PSENEN: variants seen among roughly 807,000 people sequenced by gnomAD.
PSENEN encodes gamma-secretase subunit PEN-2.
Under a neutral mutation model 15.4 loss-of-function variants are expected in PSENEN, and 4 were observed. The ratio of observed to expected loss-of-function variants is 0.26; its 90% CI spans 0.13 to 0.59. The LOEUF is 0.59. Among genes scored for constraint, PSENEN ranks in the 20% least tolerant of loss-of-function variants. PSENEN has a pLI of 0.89. For missense variants in PSENEN, 112 were observed against 120.3 expected (o/e 0.93, Z 0.32); for synonymous variants, 42 against 46.5 (o/e 0.90, Z 0.39).
In PSENEN at chr19:35,745,936, C is replaced by T. The variant is rs775370669; in HGVS notation, c.6C>T (p.Asn2=). 4.3e-6 allele frequency: 7 copies of T among 1,614,138 alleles called. No individual in the cohort carries two copies. In the East Asian group the frequency reaches 1.3e-4, roughly 31 times the overall value. M[N]LERVSNEEKL... is the part of the protein sequence containing the mutation. The stretch of plus-strand genomic sequence containing the variant: ...GACCCGGCCCCAGCGCAGCTATGAA[C>T]CTGGAGCGAGTGTCCAATGAGGAGA... Residue 2 remains asparagine (N), a synonymous_variant, in exon 2 of 4, where the codon AAC becomes AAT. Transcript: ENST00000587708.
intron 2 of PSENEN, 96 bp downstream of exon 2, chr19:35,746,087 A>T (rs1299911282): frequency 7.6e-7 from 1 of 1,315,122 alleles, no homozygotes; most frequent in African/African-American, 1.5e-5. Context: ...TAAGTCTAAG[A>T]GATGAAGGAC....
intron 1 of PSENEN, 37 bp from the exon 2 acceptor site, chr19:35,745,798 A>C (rs1970549402): frequency 2.1e-6 from 2 of 952,746 alleles, no homozygotes; most frequent in Non-Finnish European, 1.7e-6. Flanking sequence ...CTTTCAGCAA[A>C]CCGACCTTTA....
In PSENEN at chr19:35,746,535, G is replaced by T; in HGVS notation, c.166+12G>T. ...CCAAATCAAAGGCTGTGAGTCTAGA[G>T]CACAGAGGAGGGAGGCCAGTGGCAG... is the stretch of plus-strand genomic sequence containing the variant. On this transcript the variant is annotated intron_variant, in intron 3 of 3. Coordinates refer to ENST00000587708, the MANE Select transcript of PSENEN (RefSeq NM_172341.4). The T allele has an allele frequency of 6.2e-7, 1 of 1,610,324 alleles. No individual in the cohort carries two copies.
chr19:35,746,625 CT>C (rs1395073282), intron 3 of PSENEN, 82 bp from the exon 4 acceptor site: 2 of 1,611,442 alleles, frequency 1.2e-6, no homozygotes, highest in Admixed American at 3.3e-5. Flanking sequence ...TGTTGGGGCT[CT>C]GGGTGAGAAG....
At position 35,745,665 on chromosome 19, in the gene PSENEN, C is replaced by G. The variant is rs917590776; in HGVS notation, c.-132C>G. On this transcript the variant is annotated 5_prime_UTR_variant, in exon 1 of 4. Transcript: ENST00000587708. ...CGCAAACGTCCATAACTGAAAGTAG[C>G]TAAGGCACCCCAGCCGGAGGAAGTG... is the stretch of plus-strand genomic sequence containing the variant. 3.2e-6 allele frequency: 2 copies of G among 616,802 alleles called. No homozygotes were observed. Among genetic ancestry groups the G allele is most frequent in the Admixed American group, 2.9e-5 (1 of 34,484 alleles). The allele number at this position is 616,802 out of a possible 1,614,324, so 38.2% of individuals were successfully genotyped here.
At position 35,746,838 on chromosome 19, in the gene PSENEN, C is replaced by T. The variant is rs148274462; in HGVS notation, c.297C>T (p.Gly99=). 1 of 1,613,704 alleles carries T rather than the reference C, an allele frequency of 6.2e-7. No homozygotes were observed. Among genetic ancestry groups the T allele is most frequent in the African/African-American group, 1.3e-5 (1 of 74,840 alleles). The change falls in exon 4 of 4, where the codon GGC becomes GGT. Residue 99 remains glycine, a synonymous_variant. Coordinates refer to ENST00000587708, the MANE Select transcript of PSENEN (RefSeq NM_172341.4). The part of the protein sequence containing the change: ...GDYLSFTIPL[G]TP ...ACCTCTCCTTCACCATACCCCTGGG[C>T]ACCCCCTGACAACTTCTGCACATAC...
Position 35,747,224 on chromosome 19 carries a change from T to TC in PSENEN, c.*377_*378insC. ...TAGTGCTTCCATTTCTTTTTCTTTT[T>TC]TCTTTTTTTTTTTTTTTTTTGAGAC... On this transcript the variant is annotated 3_prime_UTR_variant, in exon 4 of 4. Coordinates refer to ENST00000587708, the MANE Select transcript of PSENEN (RefSeq NM_172341.4). 6.6e-6 allele frequency: 1 copy of TC among 151,394 alleles called. No individual in the cohort carries two copies. The highest frequency in any genetic ancestry group is 1.4e-5 in the Non-Finnish European group (1 of 72,918). The allele number at this position is 151,394 out of a possible 1,614,324, so 9.4% of individuals were successfully genotyped here.
Position 35,747,507 on chromosome 19 carries a change from CT to C in PSENEN, c.*663del, listed in dbSNP as rs1970615578. On this transcript the variant is annotated 3_prime_UTR_variant, in exon 4 of 4. Transcript: ENST00000587708. ...CTGCAAAAATAAAAATAGTCAAGAG[CT>C]TTCTCAGAGAATCCTTCCTTGACCA... 1 of 152,018 alleles carries C rather than the reference CT, an allele frequency of 6.6e-6. No individual in the cohort carries two copies. The highest frequency in any genetic ancestry group is 1.5e-5 in the Non-Finnish European group (1 of 68,022). 9.4% of individuals were successfully genotyped at this position (152,018 alleles called of 1,614,324 possible).
rs1970611659 is a variant in PSENEN at position 35,747,385 on chromosome 19, T to A, written c.*538T>A. ...TTTCCTACTGTGGGCTGCAGTATTC[T>A]CATCAGAAGTGTAGATCACGATGCT... is the stretch of plus-strand genomic sequence containing the variant. On this transcript the variant is annotated 3_prime_UTR_variant, in exon 4 of 4. Coordinates refer to ENST00000587708, the MANE Select transcript of PSENEN (RefSeq NM_172341.4). 1 of 152,244 alleles carries A rather than the reference T, an allele frequency of 6.6e-6. No homozygotes were observed. Among genetic ancestry groups the A allele is most frequent in the South Asian group, 2.0e-4 (1 of 4,900 alleles). 9.4% of individuals were successfully genotyped at this position (152,244 alleles called of 1,614,324 possible).
rs761745853 is a variant in PSENEN, at chr19:35,746,725, G to A, written c.184G>A (p.Val62Met). ...QIKGYVWRSA[V>M]GFLFWVIVLT... ...CATGACAGATGTCTGGCGCTCAGCT[G>A]TGGGCTTCCTCTTCTGGGTGATAGT... Residue 62 changes from valine to methionine, a missense_variant, in exon 4 of 4, where the codon GTG (valine) becomes ATG (methionine). Physicochemically the swap from Val to Met is conservative, Grantham distance 21 (BLOSUM62 1). Coordinates refer to ENST00000587708, the MANE Select transcript of PSENEN (RefSeq NM_172341.4). 3 of 1,614,172 alleles carry A rather than the reference G, an allele frequency of 1.9e-6. No individual in the cohort carries two copies. The highest frequency in any genetic ancestry group is 1.1e-5 in the South Asian group (1 of 91,074).
intron 2 of PSENEN, 124 bp downstream of exon 2, chr19:35,746,115 T>A: frequency 1.0e-6 from 1 of 985,454 alleles, no homozygotes; most frequent in Non-Finnish European, 1.6e-6. Context: ...CGCCGACTCC[T>A]GGATTTGAGT....
chr19:35,746,462 C>T lies in PSENEN; in HGVS notation c.105C>T (p.Phe35=). 4 of 1,614,010 alleles carry T rather than the reference C, an allele frequency of 2.5e-6. No homozygotes were observed. Among genetic ancestry groups the T allele is most frequent in the Non-Finnish European group, 3.4e-6 (4 of 1,180,026 alleles). The change falls in exon 3 of 4, where the codon TTC becomes TTT. Residue 35 remains phenylalanine, a synonymous_variant. Transcript: ENST00000587708. ...CTTTTCTCTGGTTGGTCAACATCTTCTGGTTCTTCCGAGAGGCCTTCCTTG... is the reference window on the plus strand; with the variant it reads ...CTTTTCTCTGGTTGGTCAACATCTTTTGGTTCTTCCGAGAGGCCTTCCTTG... ...FLPFLWLVNI[F]WFFREAFLVP...
rs202029153 is a variant in PSENEN, at chr19:35,747,003, G to A, written c.*156G>A. ...CCCCCAATAAAGGACCCTAACTTTC[G>A]ATACTGACTTCCTGGGATCTTTTAG... On this transcript the variant is annotated 3_prime_UTR_variant, in exon 4 of 4. Transcript: ENST00000587708. The A allele has an allele frequency of 1.3e-5, 9 of 677,282 alleles. No individual in the cohort carries two copies. Among genetic ancestry groups the A allele is most frequent in the Admixed American group, 3.3e-5 (1 of 30,390 alleles). 42.0% of individuals were successfully genotyped at this position (677,282 alleles called of 1,614,324 possible). A position where few individuals can be genotyped will look rare whatever the true frequency, so the allele number is the denominator to read the frequency against.
Position 35,746,863 on chromosome 19 carries a change from C to G in PSENEN, c.*16C>G. On this transcript the variant is annotated 3_prime_UTR_variant, in exon 4 of 4. Transcript: ENST00000587708. The stretch of plus-strand genomic sequence containing the variant: ...CACCCCCTGACAACTTCTGCACATA[C>G]TGGGGCCCTGCTTATTCTCCCAGGA... 1 of 1,613,378 alleles carries G rather than the reference C, an allele frequency of 6.2e-7. No homozygotes were observed. Among genetic ancestry groups the G allele is most frequent in the Non-Finnish European group, 8.5e-7 (1 of 1,179,716 alleles).
chr19:35,746,000 G>A lies in PSENEN; in HGVS notation c.61+9G>A. On this transcript the variant is annotated intron_variant, in intron 2 of 3. Transcript: ENST00000587708. ...CCGGAAGTACTACCTGGGTAAGGCA[G>A]ATCGCTAGGGTCCCAGGAGAAGAGA... 1 of 1,613,936 alleles carries A rather than the reference G, an allele frequency of 6.2e-7. No individual in the cohort carries two copies. The highest frequency in any genetic ancestry group is 8.5e-7 in the Non-Finnish European group (1 of 1,179,882).
Position 35,745,710 on chromosome 19 carries a change from G to A in PSENEN, c.-97+10G>A, listed in dbSNP as rs1970547597. The A allele has an allele frequency of 1.6e-6, 1 of 636,620 alleles. No homozygotes were observed. Among genetic ancestry groups the A allele is most frequent in the African/African-American group, 1.8e-5 (1 of 55,012 alleles). 39.4% of individuals were successfully genotyped at this position (636,620 alleles called of 1,614,324 possible). A position where few individuals can be genotyped will look rare whatever the true frequency, so the allele number is the denominator to read the frequency against. ...GAAGTGAGCTCTCCTGGTGAGTTGG[G>A]GGTCGTTTCGCCCACCCTAGTAAAT... On this transcript the variant is annotated intron_variant, in intron 1 of 3. Transcript: ENST00000587708.
Position 35,745,854 on chromosome 19 carries a change from C to T in PSENEN, c.-77C>T. 1 of 1,411,428 alleles carries T rather than the reference C, an allele frequency of 7.1e-7. No individual in the cohort carries two copies. The highest frequency in any genetic ancestry group is 1.0e-6 in the Non-Finnish European group (1 of 996,044). The allele number at this position is 1,411,428 out of a possible 1,614,324, so 87.4% of individuals were successfully genotyped here. A position where few individuals can be genotyped will look rare whatever the true frequency, so the allele number is the denominator to read the frequency against. On this transcript the variant is annotated 5_prime_UTR_variant, in exon 2 of 4. Coordinates refer to ENST00000587708, the MANE Select transcript of PSENEN (RefSeq NM_172341.4). ...TAATAGGGGCGTGGTTGTTCGTGAT[C>T]CTTGCATCTGTTACTTAGGGTCAAG...
In PSENEN at chr19:35,745,883, T is replaced by G. The variant is rs1970551961; in HGVS notation, c.-48T>G. The G allele has an allele frequency of 6.4e-7, 1 of 1,572,162 alleles. No homozygotes were observed. Among genetic ancestry groups the G allele is most frequent in the Non-Finnish European group, 8.8e-7 (1 of 1,142,122 alleles). On this transcript the variant is annotated 5_prime_UTR_variant, in exon 2 of 4. Transcript: ENST00000587708. ...GCATCTGTTACTTAGGGTCAAGGCTTGGGTCTTGCCCCGCAGACCCTTGGG... is the reference window on the plus strand; with the variant it reads ...GCATCTGTTACTTAGGGTCAAGGCTGGGGTCTTGCCCCGCAGACCCTTGGG...
intron 2 of PSENEN, among the ~76,000 whole-genome samples, 153 bp from the exon 3 acceptor site, chr19:35,746,266 G>C (rs943249456): frequency 6.6e-6 from 1 of 152,150 alleles, no homozygotes; most frequent in Non-Finnish European, 1.5e-5. Context: ...TCCCAAAGAG[G>C]AGCCAGATTC....
Sources: allele counts gnomAD v4.1 joint callset (sites outside exome capture counted in the v4.1 genomes callset), GRCh38; gene constraint gnomAD v4.1.1; transcripts MANE v1.5; gene names NCBI Gene and HGNC (gene_info 2026-07-23, HGNC 2026-07-21).